HYAL2: variants seen among roughly 807,000 people sequenced by gnomAD.
The protein encoded by HYAL2 is hyaluronidase 2.
A neutral mutation model predicts 35.4 loss-of-function variants in HYAL2; 30 were observed. That is an observed-to-expected ratio of 0.85 (90% CI 0.63 to 1.15). HYAL2 has a LOEUF of 1.15. Among genes scored for constraint, HYAL2 ranks in the 50% most tolerant of loss-of-function variants. The pLI is 0.00. For missense variants in HYAL2, 635 were observed against 646.5 expected (o/e 0.98, Z 0.19); for synonymous variants, 262 against 252.8 (o/e 1.04, Z -0.34).
chr3:50,320,751 G>A lies in HYAL2; in HGVS notation c.-46-216C>T, dbSNP rs1323169774. 3 of 490,244 alleles carry A rather than the reference G, an allele frequency of 6.1e-6. No homozygotes were observed. The highest frequency in any genetic ancestry group is 3.2e-5 in the East Asian group (1 of 31,110). 30.4% of individuals were successfully genotyped at this position (490,244 alleles called of 1,614,324 possible). A position where few individuals can be genotyped will look rare whatever the true frequency, so the allele number is the denominator to read the frequency against. Reference sequence around the variant, plus strand: ...TCTTTTCTGGAGCAGGTAGCCTGTGGCTCGGCACAAATCTCTATTAGGTCT... The same window carrying A: ...TCTTTTCTGGAGCAGGTAGCCTGTGACTCGGCACAAATCTCTATTAGGTCT... On this transcript the variant is annotated intron_variant, in intron 1 of 3. Transcript: ENST00000357750. The surrounding 1 kb of genome is among the most constrained non-coding windows in gnomAD (Gnocchi z 4.8).
In HYAL2 at chr3:50,318,080, G is replaced by A. The variant is rs200925068; in HGVS notation, c.*49C>T. On this transcript the variant is annotated 3_prime_UTR_variant, in exon 4 of 4. Transcript: ENST00000357750. This position sits in a 1 kb window ranked among gnomAD's most constrained non-coding sequence, Gnocchi z 4.5. ...CCTGCAGGGTCCTACATGCCTAAGAGAGCCCTTGTGGTAGAGGCCAGCTTG... is the reference window on the plus strand; with the variant it reads ...CCTGCAGGGTCCTACATGCCTAAGAAAGCCCTTGTGGTAGAGGCCAGCTTG... 616 of 1,519,182 alleles carry A rather than the reference G, an allele frequency of 4.1e-4. 1 individual carries two copies. In the African/African-American group the frequency reaches 6.0e-3, roughly 15 times the overall value. 94.1% of individuals were successfully genotyped at this position (1,519,182 alleles called of 1,614,324 possible).
chr3:50,320,570 G>A lies in HYAL2; in HGVS notation c.-46-35C>T. On this transcript the variant is annotated intron_variant, in intron 1 of 3. Coordinates refer to ENST00000357750, the MANE Select transcript of HYAL2 (RefSeq NM_003773.5). The surrounding 1 kb of genome is among the most constrained non-coding windows in gnomAD (Gnocchi z 4.8). ...GGGTTGGGGAGAACAAGTCAGTCTA[G>A]GGAATACTGGAAGTGCCCACCTCAA... The A allele has an allele frequency of 1.5e-6, 2 of 1,297,292 alleles. No homozygotes were observed. Among genetic ancestry groups the A allele is most frequent in the African/African-American group, 1.5e-5 (1 of 67,062 alleles). 80.4% of individuals were successfully genotyped at this position (1,297,292 alleles called of 1,614,324 possible).
At chr3:50,319,217 C>A (rs763055799) in intron 2 of HYAL2, among the ~76,000 whole-genome samples, 172 bp from the exon 3 acceptor site, 4 of 152,202 alleles carry the variant, frequency 2.6e-5, no homozygotes, top group Non-Finnish European at 5.9e-5. Flanking sequence ...CATTTAAGTC[C>A]ATTTCCACCC....
Position 50,317,819 on chromosome 3 carries a change from T to C in HYAL2, c.*310A>G, listed in dbSNP as rs1230663530. 5.0e-5 allele frequency: 14 copies of C among 281,244 alleles called. No homozygotes were observed. The highest frequency in any genetic ancestry group is 7.3e-5 in the Non-Finnish European group (11 of 151,434). The allele number at this position is 281,244 out of a possible 1,614,324, so 17.4% of individuals were successfully genotyped here. Reference sequence around the variant, plus strand: ...AATCCAAGCAGAGAAGCAATTGTTTTATGTTTAATTTACAAAAGAGACCCC... The same window carrying C: ...AATCCAAGCAGAGAAGCAATTGTTTCATGTTTAATTTACAAAAGAGACCCC... On this transcript the variant is annotated 3_prime_UTR_variant, in exon 4 of 4. Transcript: ENST00000357750.
In HYAL2 at chr3:50,319,032, G is replaced by A. The variant is rs201694655; in HGVS notation, c.935C>T (p.Ser312Phe). ...CAGGGCCGCACTCTCGCCAATGGTAGAGATGAGGTCCATCTATGCAGGAAA... is the reference window on the plus strand; with the variant it reads ...CAGGGCCGCACTCTCGCCAATGGTAAAGATGAGGTCCATCTATGCAGGAAA... ...LTGLSEMDLISTIGESAALGA... is the reference protein window; with the variant it reads ...LTGLSEMDLIFTIGESAALGA... Residue 312 changes from serine (S) to phenylalanine (F), a missense_variant, in exon 3 of 4, where the codon TCT (serine) becomes TTT (phenylalanine). Ser to Phe is a radical substitution (Grantham distance 155). Coordinates refer to ENST00000357750, the MANE Select transcript of HYAL2 (RefSeq NM_003773.5). 39 of 1,605,574 alleles carry A rather than the reference G, an allele frequency of 2.4e-5. No homozygotes were observed. Among genetic ancestry groups the A allele is most frequent in the Non-Finnish European group, 3.3e-5 (39 of 1,173,748 alleles).
At chr3:50,321,274 G>A (rs1702689145) in intron 1 of HYAL2, 1 of 152,194 alleles carries the variant, frequency 6.6e-6, no homozygotes, top group Admixed American at 6.5e-5. Flanking sequence ...GTGGGGGTGG[G>A]GTTTCTGGGA....
rs1411759105 is a variant in HYAL2 at position 50,320,213 on chromosome 3, C to T, written c.277G>A (p.Gly93Arg). 4.3e-6 allele frequency: 7 copies of T among 1,613,966 alleles called. No homozygotes were observed. Among genetic ancestry groups the T allele is most frequent in the South Asian group, 2.2e-5 (2 of 91,088 alleles). ...LGLYPRFDSA[G>R]RSVHGGVPQN... ...GGCACACCACCATGCACAGACCTTC[C>T]GGCAGAATCGAAGCGTGGATACAGG... Residue 93 changes from glycine (G) to arginine (R), a missense_variant, in exon 2 of 4, where the codon GGA (glycine) becomes AGA (arginine). Coordinates refer to ENST00000357750, the MANE Select transcript of HYAL2 (RefSeq NM_003773.5). The surrounding 1 kb of genome is among the most constrained non-coding windows in gnomAD (Gnocchi z 4.8).
Position 50,319,258 on chromosome 3 carries a change from GGCACACTTGAGCCTA to G in HYAL2, c.922-228_922-214del, listed in dbSNP as rs1308452570. On this transcript the variant is annotated intron_variant, in intron 2 of 3. Coordinates refer to ENST00000357750, the MANE Select transcript of HYAL2 (RefSeq NM_003773.5). ...TTGGGGCTCAGTTTCCCAAGCCAAGGGCACACTTGAGCCTAGGTGCAGCTATCAGGATGGATTCCA... is the reference window on the plus strand; with the variant it reads ...TTGGGGCTCAGTTTCCCAAGCCAAGGGGTGCAGCTATCAGGATGGATTCCA... 5.3e-5 allele frequency among the ~76,000 whole-genome samples: 8 copies of G among 152,266 alleles called. No homozygotes were observed. The East Asian group carries it at 1.5e-3, about 29-fold the overall frequency.
Position 50,318,525 on chromosome 3 carries a change from G to A in HYAL2, c.1026C>T (p.Tyr342=). 3 of 1,603,382 alleles carry A rather than the reference G, an allele frequency of 1.9e-6. No homozygotes were observed. Among genetic ancestry groups the A allele is most frequent in the Non-Finnish European group, 2.6e-6 (3 of 1,172,942 alleles). The change falls in exon 4 of 4, where the codon TAC becomes TAT. Residue 342 remains tyrosine, a synonymous_variant. Coordinates refer to ENST00000357750, the MANE Select transcript of HYAL2 (RefSeq NM_003773.5). The surrounding 1 kb of genome is among the most constrained non-coding windows in gnomAD (Gnocchi z 4.5). The part of the protein sequence containing the change: ...GYTTSTETCQ[Y]LKDYLTRLLV... ...GCAGCCGTGTCAGGTAATCTTTGAG[G>A]TACTGGCAGGTCTCCTGGAGGCAGA...
intron 1 of HYAL2, chr3:50,321,376 G>T (rs1291057100): frequency 6.6e-6 from 1 of 152,044 alleles, no homozygotes; most frequent in Admixed American, 6.6e-5. Context: ...CTCGCGCGGG[G>T]CGCCACCGGG....
chr3:50,322,535 C>G lies in HYAL2; in HGVS notation c.-47+118G>C, dbSNP rs1056035316. The G allele has an allele frequency of 2.0e-5, 3 of 152,314 alleles. No homozygotes were observed. The allele number at this position is 152,314 out of a possible 1,614,324, so 9.4% of individuals were successfully genotyped here. A position where few individuals can be genotyped will look rare whatever the true frequency, so the allele number is the denominator to read the frequency against. On this transcript the variant is annotated intron_variant, in intron 1 of 3. Coordinates refer to ENST00000357750, the MANE Select transcript of HYAL2 (RefSeq NM_003773.5). The surrounding 1 kb of genome is among the most constrained non-coding windows in gnomAD (Gnocchi z 5.5). The stretch of plus-strand genomic sequence containing the variant: ...GCTCCCTTGTGCGAGACTCAACTCC[C>G]AAAAGGGCCCGCGTCTGCACCACCA...
In HYAL2 at chr3:50,317,808, A is replaced by C; in HGVS notation, c.*321T>G. ...CCCAGGTACAAAATCCAAGCAGAGA[A>C]GCAATTGTTTTATGTTTAATTTACA... On this transcript the variant is annotated 3_prime_UTR_variant, in exon 4 of 4. Coordinates refer to ENST00000357750, the MANE Select transcript of HYAL2 (RefSeq NM_003773.5). 4.1e-6 allele frequency: 1 copy of C among 241,468 alleles called. No individual in the cohort carries two copies. The highest frequency in any genetic ancestry group is 7.9e-6 in the Non-Finnish European group (1 of 126,334). The allele number at this position is 241,468 out of a possible 1,614,324, so 15.0% of individuals were successfully genotyped here. A position where few individuals can be genotyped will look rare whatever the true frequency, so the allele number is the denominator to read the frequency against.
chr3:50,319,391 T>C (rs1157082941), intron 2 of HYAL2, among the ~76,000 whole-genome samples, 178 bp downstream of exon 2: 1 of 152,186 alleles, frequency 6.6e-6, no homozygotes, highest in Non-Finnish European at 1.5e-5. Flanking sequence ...CCTCAATTGT[T>C]CTCATCTGAA....
Position 50,319,717 on chromosome 3 carries a change from A to C in HYAL2, c.773T>G (p.Leu258Arg), listed in dbSNP as rs1702640959. The C allele has an allele frequency of 1.2e-6, 2 of 1,613,800 alleles. No individual in the cohort carries two copies. Among genetic ancestry groups the C allele is most frequent in the Non-Finnish European group, 1.7e-6 (2 of 1,180,038 alleles). Residue 258 changes from leucine to arginine, a missense_variant, in exon 2 of 4, where the codon CTT becomes CGT. Coordinates refer to ENST00000357750, the MANE Select transcript of HYAL2 (RefSeq NM_003773.5). ...LFPSVYLDET[L>R]ASSRHGRNFV... ...GTTGCGGCCATGGCGGGAGGAAGCA[A>C]GTGTCTCGTCCAGGTAGACAGACGG...
chr3:50,321,768 C>G (rs1408358315), intron 1 of HYAL2: 1 of 145,478 alleles, frequency 6.9e-6, no homozygotes, highest in Non-Finnish European at 1.5e-5. Flanking sequence ...CGCGGCGCCG[C>G]CAGCCCTTTA....
Position 50,319,922 on chromosome 3 carries a change from T to C in HYAL2, c.568A>G (p.Thr190Ala), listed in dbSNP as rs1044788898. The C allele has an allele frequency of 1.9e-6, 3 of 1,613,718 alleles. No homozygotes were observed. The highest frequency in any genetic ancestry group is 2.5e-6 in the Non-Finnish European group (3 of 1,180,026). The part of the protein sequence containing the change: ...EFAAQQFMLE[T>A]LRYVKAVRPR... ...CGCACTGCCTTGACATAACGCAGTGTCTCCAGCATGAACTGCTGTGCTGCG... is the reference window on the plus strand; with the variant it reads ...CGCACTGCCTTGACATAACGCAGTGCCTCCAGCATGAACTGCTGTGCTGCG... The change falls in exon 2 of 4, where the codon ACA (threonine) becomes GCA (alanine). Residue 190 changes from threonine to alanine, a missense_variant. Thr to Ala is a moderately conservative substitution (Grantham distance 58). Coordinates refer to ENST00000357750, the MANE Select transcript of HYAL2 (RefSeq NM_003773.5).
chr3:50,319,391 TC>T (rs1553716105), intron 2 of HYAL2, among the ~76,000 whole-genome samples, 177 bp downstream of exon 2: 2 of 152,186 alleles, frequency 1.3e-5, no homozygotes, highest in Non-Finnish European at 2.9e-5. Context: ...CCTCAATTGT[TC>T]TCATCTGAAA....
chr3:50,322,023 A>C lies in HYAL2; in HGVS notation c.-47+630T>G, dbSNP rs1280557986. 1 of 151,926 alleles carries C rather than the reference A, an allele frequency of 6.6e-6. No homozygotes were observed. Among genetic ancestry groups the C allele is most frequent in the Non-Finnish European group, 1.5e-5 (1 of 67,948 alleles). The allele number at this position is 151,926 out of a possible 1,614,324, so 9.4% of individuals were successfully genotyped here. A position where few individuals can be genotyped will look rare whatever the true frequency, so the allele number is the denominator to read the frequency against. On this transcript the variant is annotated intron_variant, in intron 1 of 3. Coordinates refer to ENST00000357750, the MANE Select transcript of HYAL2 (RefSeq NM_003773.5). The surrounding 1 kb of genome is among the most constrained non-coding windows in gnomAD (Gnocchi z 5.5). ...GAGAGTAGTGCCCCGCCTCCCACGA[A>C]TCAGGGGCCCCCTTCTCTGGTCCGC...
Position 50,318,419 on chromosome 3 carries a change from G to A in HYAL2, c.1132C>T (p.Arg378Cys), listed in dbSNP as rs1553715895. 11 of 1,613,258 alleles carry A rather than the reference G, an allele frequency of 6.8e-6. No individual in the cohort carries two copies. Among genetic ancestry groups the A allele is most frequent in the Admixed American group, 1.7e-5 (1 of 60,034 alleles). Residue 378 changes from arginine to cysteine, a missense_variant, in exon 4 of 4, where the codon CGC becomes TGC. Transcript: ENST00000357750. This position sits in a 1 kb window ranked among gnomAD's most constrained non-coding sequence, Gnocchi z 4.5. ...AQCHGHGRCV[R>C]RNPSASTFLH... ...AAGGTACTGGCACTGGGGTTGCGGC[G>A]CACACAGCGCCCATGGCCATGGCAC... is the stretch of plus-strand genomic sequence containing the variant.
Sources: allele counts gnomAD v4.1 joint callset (sites outside exome capture counted in the v4.1 genomes callset), GRCh38; gene constraint gnomAD v4.1.1; non-coding constraint Gnocchi (gnomAD v3.1); transcripts MANE v1.5; gene names NCBI Gene and HGNC (gene_info 2026-07-23, HGNC 2026-07-21).